Variants in CLCA2 observed in about 807,000 individuals in gnomAD.
The protein encoded by CLCA2 is calcium-activated chloride channel regulator 2.
In CLCA2, 85 loss-of-function variants were observed where a neutral mutation model predicts 82.9. The observed-to-expected ratio is 1.03, with a 90% CI of 0.86 to 1.23. The LOEUF (loss-of-function observed/expected upper bound fraction) is 1.23, where lower values mean the gene tolerates loss of function less well. CLCA2 is among the 50% of genes most tolerant of loss of function. CLCA2 has a pLI of 0.00. For synonymous variants in CLCA2, 421 were observed against 391.7 expected, an observed-to-expected ratio of 1.07 and a Z score of -0.88; for missense variants, 1,089 against 1,124.8, an observed-to-expected ratio of 0.97 and a Z score of 0.45.
Position 86,432,512 on chromosome 1 carries a change from T to TG in CLCA2, c.729dup (p.Gln244AlafsTer8). On this transcript the variant is annotated frameshift_variant, in exon 5 of 14. Transcript: ENST00000370565. LOFTEE classifies it high-confidence loss of function. ...AATGCAACTGCATCAATAATGTTCA[T>TG]GCAAAGTTTATCTTCTGTAAGTATG... The TG allele has an allele frequency of 6.2e-7, 1 of 1,613,844 alleles. No individual in the cohort carries two copies. Among genetic ancestry groups the TG allele is most frequent in the South Asian group, 1.1e-5 (1 of 91,004 alleles).
chr1:86,447,168 A>G (rs1279863147), intron 10 of CLCA2, among the ~76,000 whole-genome samples: 1 of 152,198 alleles, frequency 6.6e-6, no homozygotes, highest in Non-Finnish European at 1.5e-5. Context: ...GAAGGGGCTC[A>G]GATTAATATC....
At chr1:86,444,541 G>A (rs976962082) in intron 10 of CLCA2, among the ~76,000 whole-genome samples, 1 of 152,154 alleles carries the variant, frequency 6.6e-6, no homozygotes, top group African/African-American at 2.4e-5. Context: ...GGAATAACAG[G>A]CCAGAGGTGG....
At chr1:86,444,987 C>T (rs947983559) in intron 10 of CLCA2, among the ~76,000 whole-genome samples, 1 of 152,118 alleles carries the variant, frequency 6.6e-6, no homozygotes, top group Non-Finnish European at 1.5e-5. Flanking sequence ...ACCTTCACCT[C>T]CCAGGTTCAA....
intron 5 of CLCA2, among the ~76,000 whole-genome samples, chr1:86,432,776 T>C (rs55947001): frequency 2.4e-4 from 37 of 152,256 alleles, no homozygotes; most frequent in African/African-American, 8.7e-4. Flanking sequence ...GACCACAAAA[T>C]AAACTGTTCT....
intron 2 of CLCA2, 128 bp downstream of exon 2, chr1:86,425,604 T>C: frequency 6.2e-6 from 4 of 648,782 alleles, no homozygotes; most frequent in Non-Finnish European, 9.0e-6. Flanking sequence ...CAAATAATAT[T>C]AATGGGCAGA....
chr1:86,432,266 T>C, intron 4 of CLCA2, 103 bp from the exon 5 acceptor site: 2 of 1,371,590 alleles, frequency 1.5e-6, no homozygotes, highest in Non-Finnish European at 2.0e-6. Flanking sequence ...TTTGTATATA[T>C]CTAGCAGGCT....
intron 10 of CLCA2, among the ~76,000 whole-genome samples, chr1:86,447,244 C>T (rs1474580832): frequency 6.6e-6 from 1 of 152,112 alleles, no homozygotes; most frequent in Admixed American, 6.5e-5. Flanking sequence ...AAGATGTATC[C>T]TCCCTCACTC....
In CLCA2 at chr1:86,455,607, T is replaced by A; in HGVS notation, c.*80T>A. ...CAAAAACATACTAACAAAGTCAAAT[T>A]AACATCAAAACTGTATTAAAATGCA... On this transcript the variant is annotated 3_prime_UTR_variant, in exon 14 of 14. Transcript: ENST00000370565. 1.1e-6 allele frequency: 1 copy of A among 911,260 alleles called. No homozygotes were observed. The highest frequency in any genetic ancestry group is 1.5e-6 in the Non-Finnish European group (1 of 653,016). The allele number at this position is 911,260 out of a possible 1,614,324, so 56.4% of individuals were successfully genotyped here.
intron 8 of CLCA2, among the ~76,000 whole-genome samples, chr1:86,441,053 A>C (rs1376951602): frequency 6.6e-6 from 1 of 152,220 alleles, no homozygotes; most frequent in African/African-American, 2.4e-5. Context: ...TGACAAATGA[A>C]AGGTTTTATT....
At position 86,439,048 on chromosome 1, in the gene CLCA2, C is replaced by T. The variant is rs180919754; in HGVS notation, c.1145C>T (p.Thr382Ile). Residue 382 changes from threonine to isoleucine, a missense_variant, in exon 7 of 14, where the codon ACC (threonine) becomes ATC (isoleucine). Thr to Ile is a moderately conservative substitution (Grantham distance 89). Transcript: ENST00000370565. Reference protein sequence around the residue: ...DRKLLVSYLPTTVSAKTDISI... With the variant: ...DRKLLVSYLPITVSAKTDISI... ...AAGTTGCTGGTTTCATATCTGCCCACCACTGTATCAGCTAAAACAGACATC... is the reference window on the plus strand; with the variant it reads ...AAGTTGCTGGTTTCATATCTGCCCATCACTGTATCAGCTAAAACAGACATC... 2.1e-4 allele frequency: 340 copies of T among 1,614,122 alleles called. 1 individual carries two copies. Among genetic ancestry groups the T allele is most frequent in the Non-Finnish European group, 1.9e-4 (226 of 1,180,000 alleles).
At chr1:86,444,661 G>A (rs1662809699) in intron 10 of CLCA2, among the ~76,000 whole-genome samples, 1 of 152,182 alleles carries the variant, frequency 6.6e-6, no homozygotes, top group Non-Finnish European at 1.5e-5. Flanking sequence ...CTATAAGTTA[G>A]GGATGTAGGC....
At chr1:86,438,550 A>G (rs1662659436) in intron 6 of CLCA2, among the ~76,000 whole-genome samples, 1 of 152,162 alleles carries the variant, frequency 6.6e-6, no homozygotes, top group African/African-American at 2.4e-5. Flanking sequence ...CAGCAGTTAC[A>G]AATTTCGTCT....
chr1:86,450,283 A>G (rs1447121706), intron 11 of CLCA2, among the ~76,000 whole-genome samples: 1 of 152,216 alleles, frequency 6.6e-6, no homozygotes, highest in Non-Finnish European at 1.5e-5. Context: ...ATTATTTTCA[A>G]TGATAAGTAC....
intron 10 of CLCA2, among the ~76,000 whole-genome samples, chr1:86,445,104 G>A (rs1409883836): frequency 1.3e-5 from 2 of 151,918 alleles, no homozygotes; most frequent in East Asian, 1.9e-4. Flanking sequence ...CACCATGTTG[G>A]CCAGGCTGTT....
At chr1:86,437,088 T>A (rs1558108155) in intron 6 of CLCA2, among the ~76,000 whole-genome samples, 1 of 152,188 alleles carries the variant, frequency 6.6e-6, no homozygotes, top group Non-Finnish European at 1.5e-5. Flanking sequence ...AATGATGGAA[T>A]GAAGAGGAAA....
intron 7 of CLCA2, 149 bp downstream of exon 7, chr1:86,439,255 A>G: frequency 4.3e-6 from 3 of 704,980 alleles, no homozygotes; most frequent in Non-Finnish European, 7.2e-6. Flanking sequence ...CTTTCAAGTC[A>G]GGAACCATGC....
Position 86,453,385 on chromosome 1 carries a change from T to C in CLCA2, c.2172T>C (p.Asn724=). 3.1e-6 allele frequency: 5 copies of C among 1,614,036 alleles called. No individual in the cohort carries two copies. Among genetic ancestry groups the C allele is most frequent in the Non-Finnish European group, 4.2e-6 (5 of 1,179,916 alleles). ...GYTANGNIQM[N]APRKSVGRNE... is the part of the protein sequence containing the mutation. The stretch of plus-strand genomic sequence containing the variant: ...TTGTCTCAGGTAATATTCAGATGAA[T>C]GCTCCAAGGAAATCAGTAGGCAGAA... The change falls in exon 13 of 14, where the codon AAT becomes AAC. Residue 724 remains asparagine, a synonymous_variant. Coordinates refer to ENST00000370565, the MANE Select transcript of CLCA2 (RefSeq NM_006536.7).
chr1:86,436,589 C>T (rs557127673), intron 6 of CLCA2, among the ~76,000 whole-genome samples: 8 of 152,286 alleles, frequency 5.3e-5, no homozygotes, highest in Non-Finnish European at 1.0e-4. Flanking sequence ...GATCAATAGT[C>T]CTGGAATACT....
At position 86,424,204 on chromosome 1, in the gene CLCA2, A is replaced by G. The variant is rs751359754; in HGVS notation, c.-44A>G. On this transcript the variant is annotated 5_prime_UTR_variant, in exon 1 of 14. It removes an upstream start codon present in the reference 5' UTR. Coordinates refer to ENST00000370565, the MANE Select transcript of CLCA2 (RefSeq NM_006536.7). ...CCATATTGAAAACCTGACACAATGT[A>G]TGCAGCAGGCTCAGTGTGAGTGAAC... 1 of 1,559,740 alleles carries G rather than the reference A, an allele frequency of 6.4e-7. No homozygotes were observed. Among genetic ancestry groups the G allele is most frequent in the Non-Finnish European group, 8.7e-7 (1 of 1,150,844 alleles).
Sources: gnomAD v4.1 joint callset for allele counts (sites outside exome capture counted in the v4.1 genomes callset) on GRCh38, gnomAD v4.1.1 for gene constraint, MANE v1.5 for transcripts, NCBI Gene and HGNC (gene_info 2026-07-23, HGNC 2026-07-21) for gene names.